MAD1L1: variants seen among roughly 807,000 people sequenced by gnomAD.
The protein encoded by MAD1L1 is mitotic arrest deficient 1 like 1, also known as mitotic spindle assembly checkpoint protein MAD1.
Under a neutral mutation model 96.9 loss-of-function variants are expected in MAD1L1, and 95 were observed. The ratio of observed to expected loss-of-function variants is 0.98; its 90% CI spans 0.83 to 1.16. The LOEUF (loss-of-function observed/expected upper bound fraction) is 1.16. MAD1L1 is among the 50% of genes most tolerant of loss of function. The probability of loss-of-function intolerance (pLI) is 0.00; values close to 1 mark genes in which losing one functional copy is unlikely to be tolerated. For synonymous variants in MAD1L1, 473 were observed against 396.6 expected, an observed-to-expected ratio of 1.19 and a Z score of -2.29; for missense variants, 1,007 against 954.4, an observed-to-expected ratio of 1.06 and a Z score of -0.73.
At chr7:2,203,965 G>A (rs1025175721) in intron 10 of MAD1L1, among the ~76,000 whole-genome samples, 1 of 152,258 alleles carries the variant, frequency 6.6e-6, no homozygotes, top group African/African-American at 2.4e-5. Context: ...CCAGCCCTGA[G>A]TGAGGTCACC....
chr7:2,217,207 G>A (rs1484727695), intron 7 of MAD1L1, among the ~76,000 whole-genome samples: 2 of 152,224 alleles, frequency 1.3e-5, no homozygotes, highest in African/African-American at 4.8e-5. Flanking sequence ...CAGTCCCCTT[G>A]GGACACAGAC....
intron 10 of MAD1L1, among the ~76,000 whole-genome samples, chr7:2,207,016 T>A (rs963500820): frequency 2.1e-4 from 31 of 148,594 alleles, no homozygotes; most frequent in African/African-American, 7.5e-4. Context: ...AGGCAAAGGT[T>A]GCAGTAAGCC....
At chr7:1,915,158 C>T (rs1430040346) in intron 17 of MAD1L1, among the ~76,000 whole-genome samples, 1 of 152,086 alleles carries the variant, frequency 6.6e-6, no homozygotes, top group Non-Finnish European at 1.5e-5. Flanking sequence ...CCTGGTAACA[C>T]CCCAGGCCCT....
chr7:1,933,569 C>T (rs1212035606), intron 17 of MAD1L1, among the ~76,000 whole-genome samples: 1 of 152,186 alleles, frequency 6.6e-6, no homozygotes, highest in African/African-American at 2.4e-5. Context: ...GTAGGGCTGC[C>T]TAGCACAGAC....
At chr7:2,148,185 A>C (rs1789401195) in intron 11 of MAD1L1, among the ~76,000 whole-genome samples, 1 of 152,066 alleles carries the variant, frequency 6.6e-6, no homozygotes, top group South Asian at 2.1e-4. Context: ...AAAATAAGAA[A>C]CCTCCTTCTG....
intron 11 of MAD1L1, among the ~76,000 whole-genome samples, chr7:2,135,374 C>A (rs1788700999): frequency 1.3e-5 from 2 of 152,180 alleles, no homozygotes; most frequent in Admixed American, 6.5e-5. Context: ...CAATGCCATT[C>A]CTCTCACTGT....
intron 10 of MAD1L1, among the ~76,000 whole-genome samples, chr7:2,189,201 G>A (rs1791601936): frequency 6.6e-6 from 1 of 152,136 alleles, no homozygotes; most frequent in South Asian, 2.1e-4. Flanking sequence ...GGAGAAACTG[G>A]AACTCCTGTG....
intron 18 of MAD1L1, among the ~76,000 whole-genome samples, chr7:1,828,302 G>A (rs924767015): frequency 6.6e-6 from 1 of 152,246 alleles, no homozygotes; most frequent in African/African-American, 2.4e-5. Flanking sequence ...TCACAGCCCA[G>A]GCAGGGCCTC....
intron 10 of MAD1L1, among the ~76,000 whole-genome samples, chr7:2,161,368 C>A (rs1470738930): frequency 6.6e-6 from 1 of 152,000 alleles, no homozygotes; most frequent in Non-Finnish European, 1.5e-5. Context: ...CGGCCTCCCG[C>A]GGTGCCGGGA....
intron 18 of MAD1L1, among the ~76,000 whole-genome samples, chr7:1,870,237 G>A (rs1397364706): frequency 1.2e-4 from 17 of 137,486 alleles, no homozygotes; most frequent in African/African-American, 3.4e-4. Context: ...ACGCTGAACC[G>A]ACCATAACAC....
At chr7:2,135,185 G>C (rs1788693395) in intron 11 of MAD1L1, among the ~76,000 whole-genome samples, 1 of 152,242 alleles carries the variant, frequency 6.6e-6, no homozygotes, top group Admixed American at 6.5e-5. Flanking sequence ...AGGCTGAGCA[G>C]AACCTGTGTG....
At chr7:1,889,963 A>G (rs1246510510) in intron 18 of MAD1L1, among the ~76,000 whole-genome samples, 3 of 152,172 alleles carry the variant, frequency 2.0e-5, no homozygotes, top group Non-Finnish European at 4.4e-5. Flanking sequence ...GGTGCCCTGA[A>G]GGCTGCCCAC....
At chr7:2,073,923 G>A (rs541964936) in intron 11 of MAD1L1, among the ~76,000 whole-genome samples, 2 of 152,296 alleles carry the variant, frequency 1.3e-5, no homozygotes, top group Non-Finnish European at 2.9e-5. Context: ...ACTCGGGCCC[G>A]CGTCATCAGG....
At chr7:1,920,413 C>A (rs570854177) in intron 17 of MAD1L1, among the ~76,000 whole-genome samples, 26 of 152,294 alleles carry the variant, frequency 1.7e-4, no homozygotes, top group African/African-American at 6.0e-4. Flanking sequence ...GCCGTGGCAG[C>A]CTCACACTGT....
At chr7:1,891,111 C>A (rs545814768) in intron 18 of MAD1L1, among the ~76,000 whole-genome samples, 3 of 152,184 alleles carry the variant, frequency 2.0e-5, no homozygotes, top group Non-Finnish European at 4.4e-5. Flanking sequence ...AGCGACACCC[C>A]GGGCCAGCAC....
chr7:1,886,788 G>A (rs925571295), intron 18 of MAD1L1, among the ~76,000 whole-genome samples: 2 of 152,288 alleles, frequency 1.3e-5, no homozygotes. Context: ...GCAGAGACCT[G>A]CTGCAGGGCT....
At chr7:1,847,633 C>T (rs1240960032) in intron 18 of MAD1L1, 3 of 470,870 alleles carry the variant, frequency 6.4e-6, no homozygotes, top group Admixed American at 4.7e-5. Flanking sequence ...GGCCTCGCCC[C>T]CTCCAGCAGC....
chr7:2,053,269 A>G (rs771274284), intron 12 of MAD1L1, among the ~76,000 whole-genome samples: 16 of 152,302 alleles, frequency 1.1e-4, no homozygotes, highest in Admixed American at 2.6e-4. Flanking sequence ...AGGCCCATGC[A>G]GACGGTGAGG....
At chr7:2,204,920 T>C (rs1391063889) in intron 10 of MAD1L1, among the ~76,000 whole-genome samples, 2 of 152,186 alleles carry the variant, frequency 1.3e-5, no homozygotes, top group Admixed American at 6.5e-5. Context: ...CTGCTCTGCA[T>C]CTCTGCCAGC....
Sources: gnomAD v4.1 joint callset for allele counts (sites outside exome capture counted in the v4.1 genomes callset) on GRCh38, gnomAD v4.1.1 for gene constraint, MANE v1.5 for transcripts, NCBI Gene and HGNC (gene_info 2026-07-23, HGNC 2026-07-21) for gene names.